Variants in ATG7 observed in about 807,000 individuals in gnomAD.
The protein encoded by ATG7 is autophagy related 7, also known as ubiquitin-like modifier-activating enzyme ATG7.
In ATG7, 70 loss-of-function variants were observed where a neutral mutation model predicts 82.4. That is an observed-to-expected ratio of 0.85 (90% CI 0.70 to 1.04). ATG7 has a LOEUF of 1.04. Among genes scored for constraint, ATG7 ranks in the 50% least tolerant of loss-of-function variants. The probability of loss-of-function intolerance (pLI) is 0.00; values close to 1 mark genes in which losing one functional copy is unlikely to be tolerated. For synonymous variants in ATG7, 287 were observed against 313.0 expected (o/e 0.92, Z 0.88); for missense variants, 792 against 864.3 (o/e 0.92, Z 1.05).
chr3:11,399,559 T>C (rs1401500881), intron 19 of ATG7, among the ~76,000 whole-genome samples: 4 of 151,806 alleles, frequency 2.6e-5, no homozygotes, highest in African/African-American at 9.7e-5. Flanking sequence ...CTTCCTTTCC[T>C]CCCTCCCTTC....
chr3:11,445,085 C>T (rs778218280), intron 20 of ATG7, among the ~76,000 whole-genome samples: 27 of 152,116 alleles, frequency 1.8e-4, no homozygotes, highest in Admixed American at 1.4e-3. Flanking sequence ...GAAAAAGGAA[C>T]GCTTATACAC....
intron 20 of ATG7, among the ~76,000 whole-genome samples, chr3:11,474,619 G>C (rs2087920570): frequency 6.6e-6 from 1 of 152,138 alleles, no homozygotes; most frequent in African/African-American, 2.4e-5. Flanking sequence ...AAAAAAGAAA[G>C]AAAGAAAACA....
At chr3:11,428,190 G>C (rs190002686) in intron 20 of ATG7, among the ~76,000 whole-genome samples, 1 of 152,302 alleles carries the variant, frequency 6.6e-6, no homozygotes, top group East Asian at 1.9e-4. Flanking sequence ...TTGCATGGGT[G>C]CAAAGATCTA....
chr3:11,555,486 T>C lies in ATG7; in HGVS notation c.*643T>C, dbSNP rs908428473. On this transcript the variant is annotated 3_prime_UTR_variant, in exon 21 of 21. Coordinates refer to ENST00000693202, the MANE Select transcript of ATG7 (RefSeq NM_001349232.2). ...CCCAGCCTGTCCTCCACTGTGGGCA[T>C]AGCATCTGTGCCTGCCTGCCTGCTT... The C allele has an allele frequency of 3.3e-5, 5 of 152,654 alleles. No individual in the cohort carries two copies. The highest frequency in any genetic ancestry group is 9.7e-5 in the African/African-American group (4 of 41,406). The allele number at this position is 152,654 out of a possible 1,614,324, so 9.5% of individuals were successfully genotyped here. A position where few individuals can be genotyped will look rare whatever the true frequency, so the allele number is the denominator to read the frequency against.
At chr3:11,532,721 T>C (rs182672536) in intron 20 of ATG7, among the ~76,000 whole-genome samples, 27 of 152,166 alleles carry the variant, frequency 1.8e-4, no homozygotes, top group Admixed American at 1.6e-3. Context: ...AGACCTGTCG[T>C]AAAAAACGAA....
chr3:11,396,061 A>G (rs770474842), intron 19 of ATG7, among the ~76,000 whole-genome samples: 4 of 150,674 alleles, frequency 2.7e-5, no homozygotes, highest in Non-Finnish European at 2.9e-5. Flanking sequence ...AAGGACTTTT[A>G]TTGGGTCTTC....
chr3:11,414,024 C>T (rs776034569), intron 19 of ATG7, among the ~76,000 whole-genome samples: 2 of 152,060 alleles, frequency 1.3e-5, no homozygotes, highest in Non-Finnish European at 2.9e-5. Context: ...TTTCAAATTC[C>T]ACTTGTTCAT....
intron 20 of ATG7, among the ~76,000 whole-genome samples, chr3:11,458,679 T>A (rs1164423052): frequency 6.6e-6 from 1 of 152,178 alleles, no homozygotes; most frequent in Non-Finnish European, 1.5e-5. Flanking sequence ...CTGAAGCAAA[T>A]GAGCTCTGTA....
In ATG7 at chr3:11,284,830, G is replaced by A. The variant is rs141604575; in HGVS notation, c.-11+2392G>A. Among the ~76,000 whole-genome samples, 590 of 149,846 alleles carry A rather than the reference G, an allele frequency of 3.9e-3. 5 individuals are homozygous for A. The highest frequency in any genetic ancestry group is 0.014 in the African/African-American group (558 of 40,612). On this transcript the variant is annotated intron_variant, in intron 3 of 20. Coordinates refer to ENST00000693202, the MANE Select transcript of ATG7 (RefSeq NM_001349232.2). ...CTCCCAAAGTGCTAGGATTACAAGT[G>A]TGAGCCACTGTGCCTGGCCTTTTTT...
intron 3 of ATG7, among the ~76,000 whole-genome samples, chr3:11,296,845 C>T (rs1946006961): frequency 6.6e-6 from 1 of 152,214 alleles, no homozygotes; most frequent in African/African-American, 2.4e-5. Context: ...CGGTGTCTTT[C>T]CCAGGGCTCT....
intron 20 of ATG7, chr3:11,477,294 A>T (rs2088368565): frequency 8.3e-7 from 1 of 1,200,266 alleles, no homozygotes; most frequent in Non-Finnish European, 1.1e-6. Context: ...TGATAAAATA[A>T]AATGTAAATA....
intron 2 of ATG7, among the ~76,000 whole-genome samples, chr3:11,281,389 G>A (rs1575125586): frequency 1.3e-5 from 2 of 152,188 alleles, no homozygotes; most frequent in East Asian, 3.8e-4. Flanking sequence ...TTGTACAAAG[G>A]TGCTAAGTGG....
In ATG7 at chr3:11,281,274, A is replaced by G. The variant is rs1474222765; in HGVS notation, c.-257+172A>G. On this transcript the variant is annotated intron_variant, in intron 2 of 20. Transcript: ENST00000693202. ...ATCATGGGTGCATTTTTGTAATGAC[A>G]GTGGCAGAGAAGGCTACCATGTCTT... 2.0e-5 allele frequency among the ~76,000 whole-genome samples: 3 copies of G among 152,250 alleles called. No homozygotes were observed. The East Asian group carries it at 5.8e-4, about 29-fold the overall frequency.
chr3:11,404,592 C>T (rs2080157094), intron 19 of ATG7, among the ~76,000 whole-genome samples: 1 of 151,960 alleles, frequency 6.6e-6, no homozygotes, highest in Non-Finnish European at 1.5e-5. Flanking sequence ...TGGGCATGTA[C>T]CTAGCCTTGT....
chr3:11,565,201 G>A, the ATG7 span, among the ~76,000 whole-genome samples: 2 of 152,166 alleles, frequency 1.3e-5, no homozygotes, highest in Admixed American at 1.3e-4. This position sits in a 1 kb window ranked among gnomAD's most constrained non-coding sequence, Gnocchi z 4.1. Context: ...AAGCCTCTGG[G>A]TGCCGGAGAA....
chr3:11,499,246 T>G (rs1456466555), intron 20 of ATG7, among the ~76,000 whole-genome samples: 7 of 70,924 alleles, frequency 9.9e-5, no homozygotes, highest in African/African-American at 3.9e-4. Flanking sequence ...GATGAGACAT[T>G]GCCACATTCC....
rs934695529 is a variant in ATG7 at position 11,490,462 on chromosome 3, T to C, written c.2079+63536T>C. Among the ~76,000 whole-genome samples, 12 of 152,316 alleles carry C rather than the reference T, an allele frequency of 7.9e-5. No individual in the cohort carries two copies. In the East Asian group the frequency reaches 9.7e-4, roughly 12 times the overall value. ...TGTGTCTTTTAATTGGAGCATTTAG[T>C]CCATTTATATTTAAAGTTAATATTG... On this transcript the variant is annotated intron_variant, in intron 20 of 20. Coordinates refer to ENST00000693202, the MANE Select transcript of ATG7 (RefSeq NM_001349232.2).
At chr3:11,534,977 C>T (rs903496117) in intron 20 of ATG7, among the ~76,000 whole-genome samples, 6 of 152,270 alleles carry the variant, frequency 3.9e-5, no homozygotes, top group African/African-American at 1.4e-4. Flanking sequence ...CAATTCAGTG[C>T]TCATCTTGCA....
chr3:11,532,931 C>T lies in ATG7; in HGVS notation c.2080-21880C>T, dbSNP rs1199345303. Among the ~76,000 whole-genome samples, 3 of 152,282 alleles carry T rather than the reference C, an allele frequency of 2.0e-5. No individual in the cohort carries two copies. In the East Asian group the frequency reaches 5.8e-4, roughly 29 times the overall value. On this transcript the variant is annotated intron_variant, in intron 20 of 20. Coordinates refer to ENST00000693202, the MANE Select transcript of ATG7 (RefSeq NM_001349232.2). ...CTGAGTCTTGTTATCTTTGCACCAC[C>T]CCAGCCCCCAGAGTCAGCACTGCCT...
Sources: allele counts gnomAD v4.1 joint callset (sites outside exome capture counted in the v4.1 genomes callset), GRCh38; gene constraint gnomAD v4.1.1; non-coding constraint Gnocchi (gnomAD v3.1); transcripts MANE v1.5; gene names NCBI Gene and HGNC (gene_info 2026-07-23, HGNC 2026-07-21).